AKAP19: variants seen among roughly 807,000 people sequenced by gnomAD.
AKAP19 encodes A-kinase anchoring protein 19, also known as small A-kinase anchoring protein.
the AKAP19 span, chr2:189,930,959 C>A: frequency 1.2e-6 from 1 of 821,804 alleles, no homozygotes; most frequent in Non-Finnish European, 2.0e-6. Context: ...GACTGAGACT[C>A]CTGAAGCAGG....
At chr2:189,969,038 A>G in the AKAP19 span, among the ~76,000 whole-genome samples, 2 of 152,216 alleles carry the variant, frequency 1.3e-5, no homozygotes, top group Non-Finnish European at 2.9e-5. Flanking sequence ...CATATAGCAC[A>G]TGTATCATAT....
the AKAP19 span, among the ~76,000 whole-genome samples, chr2:189,921,459 A>G: frequency 6.6e-6 from 1 of 152,210 alleles, no homozygotes; most frequent in Non-Finnish European, 1.5e-5. Context: ...CATTGAAGTG[A>G]TGAAGATCCC....
At chr2:190,134,881 T>C in the AKAP19 span, among the ~76,000 whole-genome samples, 2 of 152,062 alleles carry the variant, frequency 1.3e-5, no homozygotes, top group Non-Finnish European at 2.9e-5. Flanking sequence ...TCAGTGTGCA[T>C]AAATATTTTT....
the AKAP19 span, among the ~76,000 whole-genome samples, chr2:190,126,024 G>A: frequency 6.6e-6 from 1 of 151,702 alleles, no homozygotes; most frequent in Admixed American, 6.6e-5. Flanking sequence ...TGGGCACAGT[G>A]GCTCACACCT....
chr2:190,022,821 C>T, the AKAP19 span, among the ~76,000 whole-genome samples: 1 of 151,914 alleles, frequency 6.6e-6, no homozygotes, highest in Admixed American at 6.6e-5. Flanking sequence ...TGCAGAGCCA[C>T]TCATGTACTT....
chr2:189,936,317 T>C, the AKAP19 span, among the ~76,000 whole-genome samples: 1 of 151,766 alleles, frequency 6.6e-6, no homozygotes, highest in Non-Finnish European at 1.5e-5. Flanking sequence ...ACATATGCAG[T>C]GCATTATTGT....
chr2:189,972,932 G>T, the AKAP19 span, among the ~76,000 whole-genome samples: 1 of 152,090 alleles, frequency 6.6e-6, no homozygotes, highest in Non-Finnish European at 1.5e-5. Flanking sequence ...CTGCAAACAG[G>T]GACAATTTGA....
At chr2:189,936,954 T>G in the AKAP19 span, among the ~76,000 whole-genome samples, 1 of 152,076 alleles carries the variant, frequency 6.6e-6, no homozygotes, top group South Asian at 2.1e-4. Context: ...GCGAGACCCC[T>G]GTCCCTGTCA....
the AKAP19 span, among the ~76,000 whole-genome samples, chr2:190,031,918 A>G: frequency 6.6e-6 from 1 of 152,168 alleles, no homozygotes; most frequent in Non-Finnish European, 1.5e-5. Context: ...AGAATTATAA[A>G]ATTTGTAATT....
At chr2:190,177,163 A>G in the AKAP19 span, among the ~76,000 whole-genome samples, 1 of 151,974 alleles carries the variant, frequency 6.6e-6, no homozygotes, top group African/African-American at 2.4e-5. This position sits in a 1 kb window ranked among gnomAD's most constrained non-coding sequence, Gnocchi z 4.6. Context: ...TCTTGTTTGC[A>G]TTTACATTTT....
At chr2:190,045,154 G>C in the AKAP19 span, among the ~76,000 whole-genome samples, 3 of 152,224 alleles carry the variant, frequency 2.0e-5, no homozygotes, top group Non-Finnish European at 4.4e-5. Flanking sequence ...CACTGGCAGG[G>C]GTGGCTGGAG....
chr2:189,967,146 C>T, the AKAP19 span, among the ~76,000 whole-genome samples: 1 of 152,152 alleles, frequency 6.6e-6, no homozygotes, highest in African/African-American at 2.4e-5. Context: ...AAGCTATCTC[C>T]ATTTTCCTTC....
chr2:190,175,351 C>G, the AKAP19 span, among the ~76,000 whole-genome samples: 4 of 152,218 alleles, frequency 2.6e-5, no homozygotes, highest in East Asian at 7.7e-4. Flanking sequence ...CTTTAAGAAC[C>G]AAACAAGTGA....
chr2:190,024,095 C>T, the AKAP19 span, among the ~76,000 whole-genome samples: 2 of 151,674 alleles, frequency 1.3e-5, no homozygotes, highest in African/African-American at 2.4e-5. Context: ...TATGCAAATG[C>T]AAATGACATG....
the AKAP19 span, among the ~76,000 whole-genome samples, chr2:190,023,659 G>A: frequency 1.3e-5 from 2 of 151,230 alleles, no homozygotes; most frequent in African/African-American, 2.4e-5. Context: ...ATTCTTTCTT[G>A]TAATCGAATA....
At chr2:189,992,050 ATTTTT>A in the AKAP19 span, among the ~76,000 whole-genome samples, 1 of 121,976 alleles carries the variant, frequency 8.2e-6, no homozygotes. Context: ...TATTAAATAG[ATTTTT>A]TTTTTTTTTT....
At chr2:190,181,390 G>C in the AKAP19 span, 1 of 153,222 alleles carries the variant, frequency 6.5e-6, no homozygotes, top group Non-Finnish European at 1.4e-5. Flanking sequence ...CCTACCTGAA[G>C]AGTGAGTGAA....
the AKAP19 span, among the ~76,000 whole-genome samples, chr2:190,153,987 T>C: frequency 6.6e-6 from 1 of 152,204 alleles, no homozygotes; most frequent in Non-Finnish European, 1.5e-5. Context: ...ATGGGTACAT[T>C]TGGGGGTTGA....
chr2:190,094,642 G>C, the AKAP19 span, among the ~76,000 whole-genome samples: 3 of 152,166 alleles, frequency 2.0e-5, no homozygotes, highest in Non-Finnish European at 4.4e-5. Context: ...TTTATTACAG[G>C]ATGTTTTCCT....
Sources: gnomAD v4.1 joint callset for allele counts (sites outside exome capture counted in the v4.1 genomes callset) on GRCh38, gnomAD v4.1.1 for gene constraint, Gnocchi (gnomAD v3.1) non-coding constraint, MANE v1.5 for transcripts, NCBI Gene and HGNC (gene_info 2026-07-23, HGNC 2026-07-21) for gene names.